SNX30: variants seen among roughly 807,000 people sequenced by gnomAD.
SNX30 encodes the protein sorting nexin family member 30.
In SNX30, 24 loss-of-function variants were observed where a neutral mutation model predicts 46.4. That is an observed-to-expected ratio of 0.52 (90% CI 0.37 to 0.73). SNX30 has a LOEUF of 0.73. Ranked by LOEUF, SNX30 falls within the 30% of genes least tolerant of loss-of-function variation. SNX30 has a pLI of 0.00. For missense variants in SNX30, 533 were observed against 555.7 expected (o/e 0.96, Z 0.41); for synonymous variants, 189 against 211.5 (o/e 0.89, Z 0.92).
chr9:112,810,968 C>G (rs147646403), intron 2 of SNX30, among the ~76,000 whole-genome samples: 1 of 152,102 alleles, frequency 6.6e-6, no homozygotes, highest in Admixed American at 6.5e-5. Flanking sequence ...TTGTGGAATG[C>G]GAGCAGCTCA....
chr9:112,882,017 A>G (rs1181796172), downstream of SNX30, among the ~76,000 whole-genome samples: 2 of 152,186 alleles, frequency 1.3e-5, no homozygotes, highest in African/African-American at 2.4e-5. Flanking sequence ...AGGGTGGTCA[A>G]TGGCAGGAAT....
chr9:112,755,843 T>TA (rs1839339996), intron 1 of SNX30, among the ~76,000 whole-genome samples: 1 of 152,036 alleles, frequency 6.6e-6, no homozygotes, highest in South Asian at 2.1e-4. Context: ...ATATGTTCTA[T>TA]AAACAAGCTT....
chr9:112,847,444 T>C (rs2131474546), intron 6 of SNX30, among the ~76,000 whole-genome samples: 1 of 92,646 alleles, frequency 1.1e-5, no homozygotes. Context: ...AATACAAGCA[T>C]TCTTTTTTTT....
At chr9:112,828,545 A>G (rs1223130089) in intron 3 of SNX30, among the ~76,000 whole-genome samples, 3 of 152,230 alleles carry the variant, frequency 2.0e-5, no homozygotes, top group Admixed American at 6.5e-5. Context: ...CGAACAGTAC[A>G]TGGTTTTAAA....
At chr9:112,865,494 T>C (rs1336634555) in intron 8 of SNX30, among the ~76,000 whole-genome samples, 2 of 151,488 alleles carry the variant, frequency 1.3e-5, no homozygotes, top group Non-Finnish European at 2.9e-5. Flanking sequence ...GGCGTGTGCC[T>C]ATAGTTCCAG....
chr9:112,778,306 T>A (rs2131372631), intron 1 of SNX30, among the ~76,000 whole-genome samples: 1 of 144,156 alleles, frequency 6.9e-6, no homozygotes, highest in Admixed American at 7.5e-5. Flanking sequence ...GGAGTCTTGC[T>A]CTGTCACCCG....
chr9:112,777,312 C>T (rs751090645), intron 1 of SNX30, among the ~76,000 whole-genome samples: 15 of 152,144 alleles, frequency 9.9e-5, no homozygotes, highest in Non-Finnish European at 8.8e-5. Context: ...CAGCCCGTCA[C>T]CATTGTGGAC....
chr9:112,769,634 C>T (rs1049086892), intron 1 of SNX30, among the ~76,000 whole-genome samples: 2 of 152,048 alleles, frequency 1.3e-5, no homozygotes, highest in South Asian at 2.1e-4. Flanking sequence ...TGGCTGGTTC[C>T]GTCTCATCTC....
At chr9:112,832,361 CA>C (rs893906017) in intron 4 of SNX30, among the ~76,000 whole-genome samples, 3 of 141,304 alleles carry the variant, frequency 2.1e-5, no homozygotes, top group African/African-American at 7.9e-5. Flanking sequence ...GTTTACTGAA[CA>C]AAAAAGAAAA....
In SNX30 at chr9:112,872,866, A is replaced by G. The variant is rs1303247783; in HGVS notation, c.*4023A>G. On this transcript the variant is annotated 3_prime_UTR_variant, in exon 9 of 9. Transcript: ENST00000374232. ...GCCTGTATCAGTAAATTTGAGGAAAATGTTCTCTCCTGGGCCAGCCTCACA... is the reference window on the plus strand; with the variant it reads ...GCCTGTATCAGTAAATTTGAGGAAAGTGTTCTCTCCTGGGCCAGCCTCACA... The G allele has an allele frequency of 6.6e-6, 1 of 152,034 alleles. No individual in the cohort carries two copies. Among genetic ancestry groups the G allele is most frequent in the Non-Finnish European group, 1.5e-5 (1 of 68,014 alleles). 9.4% of individuals were successfully genotyped at this position (152,034 alleles called of 1,614,324 possible).
rs527815503 is a variant in SNX30, at chr9:112,847,846, C to G, written c.1015-3013C>G. Among the ~76,000 whole-genome samples, 15 of 152,290 alleles carry G rather than the reference C, an allele frequency of 9.8e-5. No homozygotes were observed. The South Asian group carries it at 3.1e-3, about 32-fold the overall frequency. ...TTGGGCACCCTATGTATGATTTTGC[C>G]TTCCCCAAACCCTTGGTACTTTCCT... On this transcript the variant is annotated intron_variant, in intron 6 of 8. Coordinates refer to ENST00000374232, the MANE Select transcript of SNX30 (RefSeq NM_001012994.2).
At chr9:112,832,771 T>C (rs1840686422) in intron 4 of SNX30, among the ~76,000 whole-genome samples, 1 of 147,528 alleles carries the variant, frequency 6.8e-6, no homozygotes, top group African/African-American at 2.5e-5. Flanking sequence ...AAACTTAAAG[T>C]ATAATAATAA....
downstream of SNX30, chr9:112,879,361 C>A (rs76763147): frequency 0.012 from 2,060 of 171,784 alleles, 35 homozygotes; most frequent in African/African-American, 0.046. Flanking sequence ...CAGCACAGCA[C>A]CCAGGTGACT....
At chr9:112,778,895 G>A (rs867858048) in intron 1 of SNX30, among the ~76,000 whole-genome samples, 5 of 151,970 alleles carry the variant, frequency 3.3e-5, no homozygotes, top group Admixed American at 2.0e-4. Context: ...AGAACTTGGG[G>A]GGGGGGGATT....
chr9:112,766,489 TC>T (rs1016437357), intron 1 of SNX30, among the ~76,000 whole-genome samples: 5 of 152,230 alleles, frequency 3.3e-5, no homozygotes, highest in African/African-American at 9.6e-5. Flanking sequence ...TTGTTTTTAA[TC>T]ATCTTAACCA....
At chr9:112,775,728 G>C (rs1245250392) in intron 1 of SNX30, among the ~76,000 whole-genome samples, 2 of 151,504 alleles carry the variant, frequency 1.3e-5, no homozygotes, top group African/African-American at 2.4e-5. Flanking sequence ...CAATTTATGG[G>C]GAAACTTTAT....
intron 1 of SNX30, among the ~76,000 whole-genome samples, chr9:112,765,993 G>A (rs562490865): frequency 3.9e-5 from 6 of 152,150 alleles, no homozygotes; most frequent in African/African-American, 1.4e-4. Flanking sequence ...TAGTAGAGAT[G>A]GGGTTTCACC....
intron 6 of SNX30, among the ~76,000 whole-genome samples, chr9:112,841,224 T>C (rs1455391605): frequency 6.6e-6 from 1 of 152,226 alleles, no homozygotes; most frequent in Non-Finnish European, 1.5e-5. Flanking sequence ...TACTCTGTTT[T>C]TTTTCCTGTG....
At chr9:112,786,252 G>A (rs1305422539) in intron 1 of SNX30, among the ~76,000 whole-genome samples, 3 of 151,846 alleles carry the variant, frequency 2.0e-5, no homozygotes, top group Non-Finnish European at 4.4e-5. Context: ...TGAGTAGCTG[G>A]GACTATAGCC....
Sources: allele counts gnomAD v4.1 joint callset (sites outside exome capture counted in the v4.1 genomes callset), GRCh38; gene constraint gnomAD v4.1.1; transcripts MANE v1.5; gene names NCBI Gene and HGNC (gene_info 2026-07-23, HGNC 2026-07-21).